Variants in CYB5B observed in about 807,000 individuals in gnomAD.
CYB5B encodes the protein cytochrome b5 type B (outer mitochondrial membrane).
Under a neutral mutation model 21.3 loss-of-function variants are expected in CYB5B, and 14 were observed. The ratio of observed to expected loss-of-function variants is 0.66; its 90% CI spans 0.43 to 1.03. The LOEUF (loss-of-function observed/expected upper bound fraction) is 1.03, where lower values mean the gene tolerates loss of function less well. CYB5B is among the 50% of genes least tolerant of loss of function. The pLI is 0.00. For missense variants in CYB5B, 166 were observed against 185.1 expected (o/e 0.90, Z 0.60); for synonymous variants, 69 against 68.4 (o/e 1.01, Z -0.04).
Position 69,463,025 on chromosome 16 carries a change from C to T in CYB5B, c.*505C>T, listed in dbSNP as rs1160324850. On this transcript the variant is annotated 3_prime_UTR_variant, in exon 5 of 5. Coordinates refer to ENST00000307892, the MANE Select transcript of CYB5B (RefSeq NM_030579.3). Reference sequence around the variant, plus strand: ...TTGGGAGGCCAAGGTGGGAAGATCGCTTGAGGCCAAGAGTTCAAGACCAGC... The same window carrying T: ...TTGGGAGGCCAAGGTGGGAAGATCGTTTGAGGCCAAGAGTTCAAGACCAGC... 6.5e-6 allele frequency: 1 copy of T among 154,890 alleles called. No homozygotes were observed. Among genetic ancestry groups the T allele is most frequent in the African/African-American group, 2.4e-5 (1 of 41,416 alleles). 9.6% of individuals were successfully genotyped at this position (154,890 alleles called of 1,614,324 possible). A position where few individuals can be genotyped will look rare whatever the true frequency, so the allele number is the denominator to read the frequency against.
intron 1 of CYB5B, among the ~76,000 whole-genome samples, chr16:69,434,323 G>A (rs932019392): frequency 6.6e-6 from 1 of 152,166 alleles, no homozygotes; most frequent in Non-Finnish European, 1.5e-5. Flanking sequence ...AAACTGCTAG[G>A]AACTGTCATG....
At chr16:69,446,570 C>T (rs547514506) in intron 1 of CYB5B, among the ~76,000 whole-genome samples, 18 of 152,260 alleles carry the variant, frequency 1.2e-4, no homozygotes, top group African/African-American at 4.1e-4. Flanking sequence ...GTGATCTGCC[C>T]GCCTTGGCCT....
At chr16:69,428,131 G>C (rs370971277) in intron 1 of CYB5B, among the ~76,000 whole-genome samples, 18 of 152,024 alleles carry the variant, frequency 1.2e-4, no homozygotes, top group African/African-American at 4.3e-4. Flanking sequence ...AGCCTAATTA[G>C]CTATTCTTAT....
At chr16:69,437,039 A>G (rs1376680128) in intron 1 of CYB5B, among the ~76,000 whole-genome samples, 1 of 152,220 alleles carries the variant, frequency 6.6e-6, no homozygotes, top group Non-Finnish European at 1.5e-5. Flanking sequence ...CCCTACTATC[A>G]CATATTCTTT....
chr16:69,445,402 C>T (rs1158965180), intron 1 of CYB5B, among the ~76,000 whole-genome samples: 1 of 152,010 alleles, frequency 6.6e-6, no homozygotes, highest in Non-Finnish European at 1.5e-5. Flanking sequence ...GTGACTATGA[C>T]TGGGAAGTAA....
chr16:69,451,104 C>T (rs2014926658), intron 3 of CYB5B, among the ~76,000 whole-genome samples: 1 of 150,342 alleles, frequency 6.7e-6, no homozygotes, highest in Non-Finnish European at 1.5e-5. Flanking sequence ...GATGTAGCAA[C>T]AGATTTTTTT....
chr16:69,459,035 T>C (rs1286402365), intron 3 of CYB5B, 58 bp from the exon 4 acceptor site: 9 of 1,499,466 alleles, frequency 6.0e-6, no homozygotes, highest in Non-Finnish European at 8.2e-6. Flanking sequence ...ACATGTGCTA[T>C]GTTAATCTTC....
chr16:69,436,237 TC>T (rs2014758868), intron 1 of CYB5B, among the ~76,000 whole-genome samples: 1 of 152,202 alleles, frequency 6.6e-6, no homozygotes, highest in African/African-American at 2.4e-5. Flanking sequence ...TGGTCTCTGT[TC>T]CCGATGGAGT....
intron 1 of CYB5B, among the ~76,000 whole-genome samples, chr16:69,437,270 A>G (rs996150340): frequency 6.7e-6 from 1 of 149,900 alleles, no homozygotes; most frequent in Non-Finnish European, 1.5e-5. Context: ...TAATATTAAT[A>G]TTAAGTAGAC....
At chr16:69,428,953 CAG>C (rs1288727008) in intron 1 of CYB5B, among the ~76,000 whole-genome samples, 1 of 152,256 alleles carries the variant, frequency 6.6e-6, no homozygotes, top group Non-Finnish European at 1.5e-5. Flanking sequence ...TCAGAATGAT[CAG>C]GGGAGGACAA....
At chr16:69,448,016 C>T (rs1166549405) in intron 2 of CYB5B, 99 bp from the exon 3 acceptor site, 4 of 1,266,750 alleles carry the variant, frequency 3.2e-6, no homozygotes, top group African/African-American at 1.5e-5. Flanking sequence ...TTCACTATCA[C>T]CAGAATATAG....
At chr16:69,425,401 A>T (rs1404435649) in intron 1 of CYB5B, among the ~76,000 whole-genome samples, 15 of 151,994 alleles carry the variant, frequency 9.9e-5, no homozygotes, top group Non-Finnish European at 1.5e-5. Flanking sequence ...CCAGAAACTC[A>T]TAAATCAACC....
chr16:69,459,208 T>G, intron 4 of CYB5B, 87 bp downstream of exon 4: 1 of 1,476,580 alleles, frequency 6.8e-7, no homozygotes, highest in Non-Finnish European at 9.1e-7. Context: ...TAACATAACT[T>G]ATGAGTGCAG....
chr16:69,443,530 A>G (rs2014846549), intron 1 of CYB5B: 1 of 155,350 alleles, frequency 6.4e-6, no homozygotes, highest in Non-Finnish European at 1.4e-5. Context: ...TAATGTGAGT[A>G]GTTTGATAAC....
At chr16:69,456,402 T>G (rs948371067) in intron 3 of CYB5B, among the ~76,000 whole-genome samples, 1 of 152,242 alleles carries the variant, frequency 6.6e-6, no homozygotes, top group African/African-American at 2.4e-5. Context: ...AGTTTTGAGC[T>G]AAAGTCAGAG....
At chr16:69,424,904 G>A in intron 1 of CYB5B, 47 bp downstream of exon 1, 2 of 1,495,340 alleles carry the variant, frequency 1.3e-6, no homozygotes, top group African/African-American at 2.8e-5. Context: ...GGGGCGAGGG[G>A]TGAAAAGGCT....
At chr16:69,432,599 G>T (rs2142810306) in intron 1 of CYB5B, among the ~76,000 whole-genome samples, 1 of 152,248 alleles carries the variant, frequency 6.6e-6, no homozygotes, top group South Asian at 2.1e-4. Context: ...TATTCTATTA[G>T]TTGATTTGCC....
At chr16:69,452,952 T>C (rs1398112915) in intron 3 of CYB5B, among the ~76,000 whole-genome samples, 1 of 151,956 alleles carries the variant, frequency 6.6e-6, no homozygotes, top group African/African-American at 2.4e-5. Context: ...TGAGCCGAGA[T>C]TGTGCCAATG....
chr16:69,429,655 A>C (rs935659981), intron 1 of CYB5B, among the ~76,000 whole-genome samples: 8 of 152,314 alleles, frequency 5.3e-5, no homozygotes, highest in African/African-American at 1.7e-4. Flanking sequence ...AACAAGTGTC[A>C]GATTTTGGAT....
Sources: gnomAD v4.1 joint callset for allele counts (sites outside exome capture counted in the v4.1 genomes callset) on GRCh38, gnomAD v4.1.1 for gene constraint, MANE v1.5 for transcripts, NCBI Gene and HGNC (gene_info 2026-07-23, HGNC 2026-07-21) for gene names.